Variants in CABCOCO1 observed in about 807,000 individuals in gnomAD.
CABCOCO1 encodes the protein ciliary-associated calcium-binding coiled-coil protein 1.
CABCOCO1 carries 28 observed loss-of-function variants against 35.7 expected under a neutral mutation model. The ratio of observed to expected loss-of-function variants is 0.78; its 90% confidence interval spans 0.58 to 1.07. CABCOCO1 has a LOEUF of 1.07. Ranked by LOEUF, CABCOCO1 falls within the 50% of genes least tolerant of loss-of-function variation. The pLI, the probability that CABCOCO1 is intolerant of heterozygous loss-of-function variation, is 0.00. For synonymous variants in CABCOCO1, 95 were observed against 100.1 expected (o/e 0.95, Z 0.30); for missense variants, 326 against 309.2 (o/e 1.05, Z -0.41).
At chr10:61,679,817 G>A (rs1481697053) in intron 2 of CABCOCO1, among the ~76,000 whole-genome samples, 1 of 152,000 alleles carries the variant, frequency 6.6e-6, no homozygotes, top group East Asian at 1.9e-4. Context: ...ATTTTATCAT[G>A]AATTTTAAAA....
chr10:61,680,353 A>G (rs899171256), intron 2 of CABCOCO1, among the ~76,000 whole-genome samples: 1 of 139,150 alleles, frequency 7.2e-6, no homozygotes, highest in Non-Finnish European at 1.5e-5. Flanking sequence ...TATAACATAT[A>G]TAATATATAT....
In CABCOCO1 at chr10:61,766,413, T is replaced by A. The variant is rs1187749314; in HGVS notation, c.*400T>A. The A allele has an allele frequency of 6.4e-6, 1 of 155,712 alleles. No individual in the cohort carries two copies. Among genetic ancestry groups the A allele is most frequent in the African/African-American group, 2.4e-5 (1 of 41,426 alleles). The allele number at this position is 155,712 out of a possible 1,614,324, so 9.6% of individuals were successfully genotyped here. ...TTCATCCATTTTGACCCAAACGGAC[T>A]GCCACGTTACTGGAACACTGTGAAA... On this transcript the variant is annotated 3_prime_UTR_variant, in exon 8 of 8. Transcript: ENST00000648843.
intron 5 of CABCOCO1, among the ~76,000 whole-genome samples, chr10:61,734,796 TAGA>T (rs1318318071): frequency 1.3e-5 from 2 of 152,142 alleles, no homozygotes; most frequent in African/African-American, 4.8e-5. Context: ...TCATCCAAAC[TAGA>T]AGTGTTAGAT....
chr10:61,667,402 C>T (rs12766155), intron 1 of CABCOCO1, among the ~76,000 whole-genome samples: 19,436 of 149,116 alleles, frequency 0.13, 1,526 homozygotes, highest in East Asian at 0.2. Flanking sequence ...ATTTTTTTTT[C>T]TTGACAAGTA....
rs150685972 is a variant in CABCOCO1, at chr10:61,706,149, T to A, written c.552+15528T>A. Among the ~76,000 whole-genome samples, 481 of 152,324 alleles carry A rather than the reference T, an allele frequency of 3.2e-3. 11 individuals carry two copies. The highest frequency in any genetic ancestry group is 0.031 in the South Asian group (148 of 4,824). On this transcript the variant is annotated intron_variant, in intron 5 of 7. Coordinates refer to ENST00000648843, the MANE Select transcript of CABCOCO1 (RefSeq NM_001366906.2). ...AGTTACTTTATTCTTTTACAACCCTTTCCATTTCTTTATACTTTCTACCCA... is the reference window on the plus strand; with the variant it reads ...AGTTACTTTATTCTTTTACAACCCTATCCATTTCTTTATACTTTCTACCCA...
intron 5 of CABCOCO1, among the ~76,000 whole-genome samples, chr10:61,718,595 G>T (rs1840924135): frequency 6.6e-6 from 1 of 151,980 alleles, no homozygotes; most frequent in African/African-American, 2.4e-5. Context: ...TTCCTAAGTG[G>T]GGGTTAGGAG....
intron 4 of CABCOCO1, among the ~76,000 whole-genome samples, chr10:61,689,817 G>A (rs985969864): frequency 6.6e-6 from 1 of 152,062 alleles, no homozygotes; most frequent in African/African-American, 2.4e-5. Context: ...TTAGAAGTCA[G>A]CCCTTCAGTA....
chr10:61,684,710 C>T (rs901737927), intron 3 of CABCOCO1, among the ~76,000 whole-genome samples: 2 of 152,166 alleles, frequency 1.3e-5, no homozygotes, highest in East Asian at 1.9e-4. Context: ...TACTCTCCAC[C>T]TCCAGTATCC....
intron 2 of CABCOCO1, among the ~76,000 whole-genome samples, chr10:61,680,671 C>CATATATATGTTATGCATGTATAACAT (rs74188857): frequency 1.9e-5 from 1 of 53,436 alleles, no homozygotes; most frequent in Non-Finnish European, 4.0e-5. Context: ...ACATGTATAA[C>CATATATATGTTATGCATGTATAACAT]ATATATGTTA....
chr10:61,708,879 T>G (rs1289198886), intron 5 of CABCOCO1, among the ~76,000 whole-genome samples: 8 of 152,190 alleles, frequency 5.3e-5, no homozygotes, highest in South Asian at 4.1e-4. Context: ...GTCCAATTTG[T>G]ATTTCAAGGA....
Position 61,760,945 on chromosome 10 carries a change from T to C in CABCOCO1, c.758T>C (p.Ile253Thr), listed in dbSNP as rs778270785. Reference protein sequence around the residue: ...SDMDPLVGFTIEDVKSVLDQV... With the variant: ...SDMDPLVGFTTEDVKSVLDQV... ...ATGGATCCTTTAGTTGGTTTTACCA[T>C]TGAAGATGTAAAATCAGTGCTGGAT... The change falls in exon 7 of 8, where the codon ATT (isoleucine) becomes ACT (threonine). Residue 253 changes from isoleucine (I) to threonine (T), a missense_variant. Physicochemically the swap from Ile to Thr is moderately conservative, Grantham distance 89. Coordinates refer to ENST00000648843, the MANE Select transcript of CABCOCO1 (RefSeq NM_001366906.2). The C allele has an allele frequency of 2.3e-5, 37 of 1,612,588 alleles. No individual in the cohort carries two copies. Among genetic ancestry groups the C allele is most frequent in the Non-Finnish European group, 3.0e-5 (35 of 1,179,116 alleles).
intron 5 of CABCOCO1, among the ~76,000 whole-genome samples, chr10:61,709,330 G>A (rs1244148482): frequency 6.6e-6 from 1 of 151,880 alleles, no homozygotes; most frequent in African/African-American, 2.4e-5. Context: ...ACTTTGCTTG[G>A]AATAAACAAA....
At chr10:61,685,473 A>AT (rs540885789) in intron 3 of CABCOCO1, 4 of 151,998 alleles carry the variant, frequency 2.6e-5, no homozygotes, top group East Asian at 1.9e-4. Context: ...TACATTTTGA[A>AT]TTTTTTTTCT....
intron 7 of CABCOCO1, among the ~76,000 whole-genome samples, chr10:61,765,353 C>T (rs759528520): frequency 2.0e-5 from 3 of 152,172 alleles, no homozygotes; most frequent in Non-Finnish European, 2.9e-5. Context: ...ATCACCACCT[C>T]GGCAATCACA....
intron 2 of CABCOCO1, among the ~76,000 whole-genome samples, chr10:61,673,679 C>T (rs904825712): frequency 6.6e-6 from 1 of 152,228 alleles, no homozygotes; most frequent in Non-Finnish European, 1.5e-5. Context: ...AGGTGAATAA[C>T]ACTGACAGGC....
intron 2 of CABCOCO1, among the ~76,000 whole-genome samples, chr10:61,678,487 A>T (rs1442946695): frequency 1.3e-5 from 2 of 152,168 alleles, no homozygotes; most frequent in Non-Finnish European, 2.9e-5. Flanking sequence ...GTATAGTGAC[A>T]TGCAACATAA....
chr10:61,699,566 T>C (rs1840393779), intron 5 of CABCOCO1, among the ~76,000 whole-genome samples: 1 of 152,108 alleles, frequency 6.6e-6, no homozygotes. Context: ...AGGCTGTTCT[T>C]ACTGCCTGAA....
rs61850500 is a variant in CABCOCO1, at chr10:61,715,579, C to T, written c.552+24958C>T. 7.2e-3 allele frequency among the ~76,000 whole-genome samples: 1,099 copies of T among 152,170 alleles called. 7 individuals are homozygous for T. The highest frequency in any genetic ancestry group is 0.012 in the Non-Finnish European group (835 of 67,996). On this transcript the variant is annotated intron_variant, in intron 5 of 7. Transcript: ENST00000648843. ...TGTGATATTAGTTGGTTATTTTGCC[C>T]GTTAATTGATGCAGTTTCTTCATAG...
At chr10:61,744,727 T>C (rs1841620275) in intron 5 of CABCOCO1, among the ~76,000 whole-genome samples, 1 of 152,140 alleles carries the variant, frequency 6.6e-6, no homozygotes, top group South Asian at 2.1e-4. Context: ...GGAGAGAACA[T>C]CAGCCCTGGT....
Sources: gnomAD v4.1 joint callset for allele counts (sites outside exome capture counted in the v4.1 genomes callset) on GRCh38, gnomAD v4.1.1 for gene constraint, MANE v1.5 for transcripts, NCBI Gene and HGNC (gene_info 2026-07-23, HGNC 2026-07-21) for gene names.